The following HSPG2 variants were observed in gnomAD, a reference collection of about 807,000 sequenced individuals.
HSPG2 encodes basement membrane-specific heparan sulfate proteoglycan core protein.
HSPG2 carries 278 observed loss-of-function variants against 526.6 expected under a neutral mutation model. The observed-to-expected ratio is 0.53, with a 90% CI of 0.48 to 0.58. The LOEUF (loss-of-function observed/expected upper bound fraction) is 0.58. HSPG2 is among the 20% of genes least tolerant of loss of function. HSPG2 has a pLI of 0.00. For synonymous variants in HSPG2, 2,465 were observed against 2,555.4 expected (o/e 0.96, Z 1.07); for missense variants, 5,354 against 6,099.5 (o/e 0.88, Z 4.07).
chr1:21,896,448 G>C, intron 1 of HSPG2, 138 bp from the exon 2 acceptor site: 3 of 1,058,270 alleles, frequency 2.8e-6, no homozygotes, highest in Non-Finnish European at 4.3e-6. Context: ...GTATGGCTCA[G>C]TGAGCCAGGC....
chr1:21,874,990 G>A lies in HSPG2; in HGVS notation c.3315C>T (p.Ile1105=), dbSNP rs376496659. Residue 1105 remains isoleucine, a synonymous_variant, in exon 26 of 97, where the codon ATC becomes ATT. Coordinates refer to ENST00000374695, the MANE Select transcript of HSPG2 (RefSeq NM_005529.7). ...CCTCGGGCACAGCCACGTCCATGCT[G>A]ATGCCAGAGACCCTGGGCGTGACAA... ...QQPAESRVSG[I]SMDVAVPEET... 84 of 1,601,080 alleles carry A rather than the reference G, an allele frequency of 5.2e-5. No homozygotes were observed. Among genetic ancestry groups the A allele is most frequent in the Non-Finnish European group, 7.0e-5 (82 of 1,173,716 alleles).
At chr1:21,845,862 G>A (rs1182317583) in intron 64 of HSPG2, among the ~76,000 whole-genome samples, 1 of 152,178 alleles carries the variant, frequency 6.6e-6, no homozygotes, top group African/African-American at 2.4e-5. Context: ...AGAGGAACTG[G>A]GACTCATGCA....
chr1:21,842,421 C>T (rs1469935000), intron 67 of HSPG2, 41 bp from the exon 68 acceptor site: 2 of 1,549,124 alleles, frequency 1.3e-6, no homozygotes, highest in Admixed American at 1.9e-5. Flanking sequence ...GGCAAAGTCC[C>T]CAGGACAAGG....
chr1:21,833,454 G>A lies in HSPG2; in HGVS notation c.10978+13C>T. 6.2e-7 allele frequency: 1 copy of A among 1,614,202 alleles called. No individual in the cohort carries two copies. On this transcript the variant is annotated intron_variant, in intron 79 of 96. Coordinates refer to ENST00000374695, the MANE Select transcript of HSPG2 (RefSeq NM_005529.7). ...GGGCAGGGCACTGCCAATTCTTAGGGGTGGTGTCTTACCTGGCACCTGCAG... is the reference window on the plus strand; with the variant it reads ...GGGCAGGGCACTGCCAATTCTTAGGAGTGGTGTCTTACCTGGCACCTGCAG...
In HSPG2 at chr1:21,823,459, C is replaced by T. The variant is rs148788926; in HGVS notation, c.13033G>A (p.Gly4345Arg). ...GTGATGCCTGAGGAGAATCTGCCCC[C>T]GGTCAGCGTGGCCACGTCAGGGGCT... ...GGAPDVATLT[G>R]GRFSSGITGC... The change falls in exon 97 of 97, where the codon GGG (glycine) becomes AGG (arginine). Residue 4345 changes from glycine to arginine, a missense_variant. Physicochemically the swap from Gly to Arg is moderately radical, Grantham distance 125. Coordinates refer to ENST00000374695, the MANE Select transcript of HSPG2 (RefSeq NM_005529.7). 3.6e-4 allele frequency: 576 copies of T among 1,595,776 alleles called. 1 individual carries two copies. The highest frequency in any genetic ancestry group is 3.8e-4 in the Non-Finnish European group (446 of 1,175,564).
chr1:21,884,389 C>T, intron 13 of HSPG2, 139 bp downstream of exon 13: 2 of 1,204,440 alleles, frequency 1.7e-6, no homozygotes, highest in East Asian at 2.3e-5. Context: ...GCTTTTTTGA[C>T]AGGGCTCAGT....
intron 25 of HSPG2, chr1:21,875,216 T>A: frequency 1.6e-6 from 1 of 622,104 alleles, no homozygotes; most frequent in Non-Finnish European, 2.9e-6. Flanking sequence ...CCTGGAGAGG[T>A]TATACCACCT....
At chr1:21,923,506 C>A (rs1644102564) in intron 1 of HSPG2, among the ~76,000 whole-genome samples, 1 of 152,228 alleles carries the variant, frequency 6.6e-6, no homozygotes, top group Non-Finnish European at 1.5e-5. Flanking sequence ...AATCGGCCTG[C>A]CCTTCTCTCT....
intron 1 of HSPG2, among the ~76,000 whole-genome samples, chr1:21,927,452 G>A (rs1041188170): frequency 5.3e-5 from 8 of 152,160 alleles, no homozygotes; most frequent in Non-Finnish European, 7.4e-5. Context: ...GGTTGGCCCA[G>A]AGCTCCCCAG....
chr1:21,897,421 GA>G (rs2152774633), intron 1 of HSPG2, among the ~76,000 whole-genome samples: 1 of 152,230 alleles, frequency 6.6e-6, no homozygotes, highest in South Asian at 2.1e-4. Flanking sequence ...CCAAGGAGGA[GA>G]AAAAAACAAA....
At chr1:21,878,936 C>A in intron 18 of HSPG2, 58 bp downstream of exon 18, 2 of 1,584,316 alleles carry the variant, frequency 1.3e-6, no homozygotes, top group Non-Finnish European at 1.7e-6. Flanking sequence ...CCAGAATATT[C>A]TCTGGCCTGT....
intron 1 of HSPG2, among the ~76,000 whole-genome samples, chr1:21,920,952 G>A (rs2152797674): frequency 6.6e-6 from 1 of 152,128 alleles, no homozygotes; most frequent in South Asian, 2.1e-4. Context: ...TCCTCCCCCG[G>A]GCAGATCTTC....
intron 33 of HSPG2, among the ~76,000 whole-genome samples, chr1:21,868,347 T>C (rs1465797382): frequency 6.6e-6 from 1 of 152,150 alleles, no homozygotes; most frequent in Non-Finnish European, 1.5e-5. Flanking sequence ...CTGCTATGTG[T>C]ATTCTTAAGA....
intron 1 of HSPG2, among the ~76,000 whole-genome samples, chr1:21,927,693 G>C (rs765827334): frequency 4.2e-4 from 64 of 152,306 alleles, no homozygotes; most frequent in Non-Finnish European, 8.8e-4. Context: ...CCACACCCTG[G>C]GGTGTGCCCC....
In HSPG2 at chr1:21,876,385, C is replaced by T. The variant is rs773662857; in HGVS notation, c.2847G>A (p.Glu949=). ...CGTTGGTCAGGCTGAAGTGACCAGG[C>T]TCCTCAGAGGCCCCATGCAACTGGG... The part of the protein sequence containing the change: ...SRAQLHGASE[E]PGHFSLTNAA... The change falls in exon 23 of 97, where the codon GAG becomes GAA. Residue 949 remains glutamate, a synonymous_variant. Transcript: ENST00000374695. The T allele has an allele frequency of 9.2e-5, 148 of 1,611,376 alleles. 1 individual carries two copies. The East Asian group carries it at 2.3e-3, about 25-fold the overall frequency.
At position 21,824,137 on chromosome 1, in the gene HSPG2, G is replaced by A. The variant is rs375003419; in HGVS notation, c.12883C>T (p.Arg4295Trp). 2.5e-5 allele frequency: 40 copies of A among 1,613,334 alleles called. No individual in the cohort carries two copies. In the African/African-American group the frequency reaches 3.3e-4, roughly 13 times the overall value. The change falls in exon 95 of 97, where the codon CGG becomes TGG. Residue 4295 changes from arginine (R) to tryptophan (W), a missense_variant. Coordinates refer to ENST00000374695, the MANE Select transcript of HSPG2 (RefSeq NM_005529.7). The surrounding 1 kb of genome is among the most constrained non-coding windows in gnomAD (Gnocchi z 5.9). ...GTCCCTTACCGCAGTGCTGTCACCC[G>A]GTGCCACTCGCCGTCATTGATGGGG... ...EDPINDGEWH[R>W]VTALREGRRG...
chr1:21,846,417 G>A (rs750964579), intron 63 of HSPG2, 31 bp downstream of exon 63: 124 of 1,612,602 alleles, frequency 7.7e-5, no homozygotes, highest in Non-Finnish European at 1.0e-4. Flanking sequence ...ACATCCAGCG[G>A]CTCTCCCACC....
At chr1:21,844,586 C>T (rs1391755920) in intron 64 of HSPG2, among the ~76,000 whole-genome samples, 1 of 152,212 alleles carries the variant, frequency 6.6e-6, no homozygotes, top group Non-Finnish European at 1.5e-5. Context: ...ACCACTAGAC[C>T]ACTAATGTTT....
At chr1:21,868,282 C>T (rs1353979425) in intron 33 of HSPG2, among the ~76,000 whole-genome samples, 1 of 151,928 alleles carries the variant, frequency 6.6e-6, no homozygotes, top group African/African-American at 2.4e-5. Context: ...CAGGTGTTCG[C>T]CTGCCCCAGT....
Sources: allele counts gnomAD v4.1 joint callset (sites outside exome capture counted in the v4.1 genomes callset), GRCh38; gene constraint gnomAD v4.1.1; non-coding constraint Gnocchi (gnomAD v3.1); transcripts MANE v1.5; gene names NCBI Gene and HGNC (gene_info 2026-07-23, HGNC 2026-07-21).